RGMA: variants seen among roughly 807,000 people sequenced by gnomAD.
RGMA encodes the protein repulsive guidance molecule BMP co-receptor a.
Under a neutral mutation model 23.2 loss-of-function variants are expected in RGMA, and 10 were observed. The observed-to-expected ratio is 0.43, with a 90% CI of 0.27 to 0.73. RGMA has a LOEUF of 0.73. RGMA is among the 30% of genes least tolerant of loss of function. The pLI is 0.20. For synonymous variants in RGMA, 308 were observed against 279.3 expected, an observed-to-expected ratio of 1.10 and a Z score of -1.03; for missense variants, 547 against 630.5, an observed-to-expected ratio of 0.87 and a Z score of 1.42.
intron 3 of RGMA, among the ~76,000 whole-genome samples, chr15:93,048,197 T>C (rs369362678): frequency 3.3e-5 from 5 of 152,116 alleles, no homozygotes; most frequent in African/African-American, 1.2e-4. Context: ...GGGTTCCCCA[T>C]ATTGGCATAA....
At chr15:93,062,307 A>G (rs1260564837) in intron 2 of RGMA, among the ~76,000 whole-genome samples, 1 of 152,228 alleles carries the variant, frequency 6.6e-6, no homozygotes, top group Non-Finnish European at 1.5e-5. Context: ...AATCACATAA[A>G]CTTCTAGAAT....
Position 93,045,120 on chromosome 15 carries a change from G to T in RGMA, c.1231C>A (p.Leu411Met). The T allele has an allele frequency of 2.5e-6, 4 of 1,594,856 alleles. No homozygotes were observed. The highest frequency in any genetic ancestry group is 3.4e-6 in the Non-Finnish European group (4 of 1,170,664). Reference sequence around the variant, plus strand: ...TCCCGAGTCCTCTCATACAGGTGCAGTTTGTCTTTGTTGGAGTGGAGCATC... The same window carrying T: ...TCCCGAGTCCTCTCATACAGGTGCATTTTGTCTTTGTTGGAGTGGAGCATC... ...VKMLHSNKDK[L>M]HLYERTRDLP... Residue 411 changes from leucine (L) to methionine (M), a missense_variant, in exon 4 of 4, where the codon CTG becomes ATG. Coordinates refer to ENST00000329082, the MANE Select transcript of RGMA (RefSeq NM_020211.3). This position sits in a 1 kb window ranked among gnomAD's most constrained non-coding sequence, Gnocchi z 6.9.
chr15:93,050,047 T>C (rs764806659), intron 3 of RGMA, among the ~76,000 whole-genome samples: 4 of 152,224 alleles, frequency 2.6e-5, no homozygotes, highest in Non-Finnish European at 5.9e-5. Flanking sequence ...AAACTTGCGC[T>C]GTGCTTCAGG....
chr15:93,067,951 G>C (rs1446818380), intron 2 of RGMA, among the ~76,000 whole-genome samples: 1 of 152,148 alleles, frequency 6.6e-6, no homozygotes, highest in Non-Finnish European at 1.5e-5. Context: ...GGAGGAGGAA[G>C]GACCCATGGC....
chr15:93,049,393 G>A (rs1030389831), intron 3 of RGMA, among the ~76,000 whole-genome samples: 6 of 152,218 alleles, frequency 3.9e-5, no homozygotes, highest in East Asian at 3.8e-4. Flanking sequence ...AGGGGAAGGC[G>A]CAGGACTTGA....
At chr15:93,066,385 T>G in intron 2 of RGMA, 40 of 664,380 alleles carry the variant, frequency 6.0e-5, no homozygotes, top group East Asian at 1.1e-4. Flanking sequence ...TTCGCGTGAC[T>G]CCAGGTGGGG....
In RGMA at chr15:93,039,388, T is replaced by C. The variant is rs62021474; in HGVS notation, c.*5610A>G. On this transcript the variant is annotated 3_prime_UTR_variant, in exon 4 of 4. Transcript: ENST00000329082. ...TTATTAGACCCCAAAGGCCATCATT[T>C]CTTTTCTTAAAATTATGATTATACT... is the stretch of plus-strand genomic sequence containing the variant. 9,596 of 152,248 alleles carry C rather than the reference T, an allele frequency of 0.063. 427 individuals carry two copies. Among genetic ancestry groups the C allele is most frequent in the African/African-American group, 0.12 (5,076 of 41,492 alleles). 9.4% of individuals were successfully genotyped at this position (152,248 alleles called of 1,614,324 possible).
chr15:93,063,748 A>G (rs914419055), intron 2 of RGMA, among the ~76,000 whole-genome samples: 2 of 152,162 alleles, frequency 1.3e-5, no homozygotes, highest in Non-Finnish European at 2.9e-5. Context: ...CACCCTTTGA[A>G]TCCACTGGAA....
At chr15:93,059,138 G>A (rs55913099) in intron 2 of RGMA, among the ~76,000 whole-genome samples, 11,337 of 148,244 alleles carry the variant, frequency 0.076, 535 homozygotes, top group African/African-American at 0.14. Flanking sequence ...GGCAGGCCTG[G>A]AGCTGTTTCT....
chr15:93,080,656 G>C (rs2141847488), intron 1 of RGMA, among the ~76,000 whole-genome samples: 1 of 152,278 alleles, frequency 6.6e-6, no homozygotes, highest in African/African-American at 2.4e-5. Flanking sequence ...GCTGCCCCAG[G>C]CTCAGTTCAG....
chr15:93,069,616 G>A (rs760982149), intron 2 of RGMA, among the ~76,000 whole-genome samples: 1 of 152,226 alleles, frequency 6.6e-6, no homozygotes, highest in Non-Finnish European at 1.5e-5. Context: ...TTAGAACAGC[G>A]ATCCTCAAAC....
chr15:93,088,342 G>A (rs1260737450), intron 1 of RGMA: 3 of 985,438 alleles, frequency 3.0e-6, no homozygotes, highest in African/African-American at 1.7e-5. Context: ...CGTCCACTTA[G>A]GAAAGCCGGG....
At chr15:93,088,132 T>A (rs757014432) in intron 1 of RGMA, 4 of 493,460 alleles carry the variant, frequency 8.1e-6, no homozygotes, top group Non-Finnish European at 1.1e-5. Context: ...CAGGCTCCCA[T>A]TAGAAATCTC....
rs1293768007 is a variant in RGMA, at chr15:93,040,383, T to G, written c.*4615A>C. 2 of 152,640 alleles carry G rather than the reference T, an allele frequency of 1.3e-5. No homozygotes were observed. The highest frequency in any genetic ancestry group is 6.5e-5 in the Admixed American group (1 of 15,312). The allele number at this position is 152,640 out of a possible 1,614,324, so 9.5% of individuals were successfully genotyped here. On this transcript the variant is annotated 3_prime_UTR_variant, in exon 4 of 4. Coordinates refer to ENST00000329082, the MANE Select transcript of RGMA (RefSeq NM_020211.3). ...TGGGACCCCTGGTCTGTCCACTTGC[T>G]ACTGTCCAGTGACAGTGGCTTCCCA...
At position 93,040,743 on chromosome 15, in the gene RGMA, A is replaced by G. The variant is rs2141779738; in HGVS notation, c.*4255T>C. 6.6e-6 allele frequency: 1 copy of G among 151,410 alleles called. No homozygotes were observed. The highest frequency in any genetic ancestry group is 3.4e-3 in the Middle Eastern group (1 of 292). The allele number at this position is 151,410 out of a possible 1,614,324, so 9.4% of individuals were successfully genotyped here. On this transcript the variant is annotated 3_prime_UTR_variant, in exon 4 of 4. Coordinates refer to ENST00000329082, the MANE Select transcript of RGMA (RefSeq NM_020211.3). Reference sequence around the variant, plus strand: ...CTGGGTCATTGCGGTAGCCCCTCACACCCCCCTGAACAATGCTGGGTAGAC... The same window carrying G: ...CTGGGTCATTGCGGTAGCCCCTCACGCCCCCCTGAACAATGCTGGGTAGAC...
intron 1 of RGMA, among the ~76,000 whole-genome samples, chr15:93,082,407 C>T (rs986067959): frequency 6.6e-6 from 1 of 152,236 alleles, no homozygotes; most frequent in African/African-American, 2.4e-5. Flanking sequence ...GCCACGGGCA[C>T]AGCCATTTCC....
At chr15:93,055,200 C>G (rs1224150304) in intron 2 of RGMA, among the ~76,000 whole-genome samples, 1 of 152,164 alleles carries the variant, frequency 6.6e-6, no homozygotes, top group African/African-American at 2.4e-5. Context: ...GATGGCCACG[C>G]TCAAGCTCCG....
At position 93,052,197 on chromosome 15, in the gene RGMA, G is replaced by A. The variant is rs764879059; in HGVS notation, c.441C>T (p.Tyr147=). ...CCGAGTGCTTGTGAAAGCTCTTCTC[G>A]TAATGGCAGATCTCGGGGCTGTCCG... The part of the protein sequence containing the change: ...ERSDSPEICH[Y]EKSFHKHSAT... Residue 147 remains tyrosine (Y), a synonymous_variant, in exon 3 of 4, where the codon TAC becomes TAT. Transcript: ENST00000329082. 3.5e-5 allele frequency: 56 copies of A among 1,611,044 alleles called. No homozygotes were observed. Among genetic ancestry groups the A allele is most frequent in the Non-Finnish European group, 4.5e-5 (53 of 1,177,742 alleles).
chr15:93,046,694 C>T (rs1035417542), intron 3 of RGMA, among the ~76,000 whole-genome samples: 1 of 152,122 alleles, frequency 6.6e-6, no homozygotes, highest in Non-Finnish European at 1.5e-5. Flanking sequence ...GCCACTGTCC[C>T]AAGGCTGCTG....
Sources: gnomAD v4.1 joint callset for allele counts (sites outside exome capture counted in the v4.1 genomes callset) on GRCh38, gnomAD v4.1.1 for gene constraint, Gnocchi (gnomAD v3.1) non-coding constraint, MANE v1.5 for transcripts, NCBI Gene and HGNC (gene_info 2026-07-23, HGNC 2026-07-21) for gene names.